Variants in PDGFD observed in about 807,000 individuals in gnomAD.
The protein encoded by PDGFD is platelet-derived growth factor D.
A neutral mutation model predicts 44.7 loss-of-function variants in PDGFD; 30 were observed. The ratio of observed to expected loss-of-function variants is 0.67; its 90% confidence interval spans 0.50 to 0.91. The LOEUF is 0.91. PDGFD is among the 40% of genes least tolerant of loss of function. The pLI is 0.00. For synonymous variants in PDGFD, 173 were observed against 168.4 expected (o/e 1.03, Z -0.21); for missense variants, 445 against 457.8 (o/e 0.97, Z 0.25).
chr11:104,070,920 T>G (rs540837744), intron 1 of PDGFD, among the ~76,000 whole-genome samples: 1 of 152,262 alleles, frequency 6.6e-6, no homozygotes, highest in Admixed American at 6.5e-5. Context: ...ACAAACAGAC[T>G]GCGGTGTAAA....
intron 4 of PDGFD, chr11:103,945,580 T>C (rs530913644): frequency 6.6e-6 from 1 of 152,294 alleles, no homozygotes; most frequent in East Asian, 1.9e-4. Context: ...TAAAAAATCT[T>C]TGAAATTAAA....
chr11:103,988,927 C>T (rs183095048), intron 3 of PDGFD, among the ~76,000 whole-genome samples: 76 of 152,186 alleles, frequency 5.0e-4, no homozygotes, highest in African/African-American at 1.7e-3. Flanking sequence ...GGAATATTTA[C>T]GACATGTCAG....
intron 1 of PDGFD, among the ~76,000 whole-genome samples, chr11:104,012,640 C>T (rs1158014706): frequency 6.6e-6 from 1 of 152,206 alleles, no homozygotes; most frequent in African/African-American, 2.4e-5. Context: ...CCTAACGTGA[C>T]TCCAGTGGAG....
chr11:104,004,813 G>A (rs1050268324), intron 1 of PDGFD, among the ~76,000 whole-genome samples: 1 of 147,386 alleles, frequency 6.8e-6, no homozygotes, highest in Non-Finnish European at 1.5e-5. Context: ...ATGATCTCTT[G>A]TGTGTGTATG....
chr11:104,037,056 C>T (rs1860253644), intron 1 of PDGFD: 1 of 1,614,122 alleles, frequency 6.2e-7, no homozygotes, highest in Admixed American at 1.7e-5. Context: ...TGCAGAAGGA[C>T]AATGTGGGAC....
intron 4 of PDGFD, among the ~76,000 whole-genome samples, chr11:103,944,918 T>C (rs1485983552): frequency 3.9e-5 from 6 of 152,100 alleles, no homozygotes; most frequent in Admixed American, 2.0e-4. Flanking sequence ...GAGGGTGAAA[T>C]AGACCGATGA....
intron 1 of PDGFD, among the ~76,000 whole-genome samples, chr11:104,084,314 T>C (rs1464737394): frequency 6.6e-6 from 1 of 152,196 alleles, no homozygotes; most frequent in African/African-American, 2.4e-5. Context: ...TCATCCTGCA[T>C]GGTCAGGAAA....
At chr11:103,936,823 GT>G (rs1194529159) in intron 5 of PDGFD, among the ~76,000 whole-genome samples, 4 of 138,990 alleles carry the variant, frequency 2.9e-5, no homozygotes, top group Non-Finnish European at 1.5e-5. Flanking sequence ...TTGTTTGTTT[GT>G]TTTTTGTTTT....
intron 3 of PDGFD, among the ~76,000 whole-genome samples, chr11:103,978,629 C>A (rs76630317): frequency 0.027 from 4,120 of 151,826 alleles, 199 homozygotes; most frequent in African/African-American, 0.095. Context: ...AAGTGCTTTC[C>A]CATATGTGAT....
rs147101550 is a variant in PDGFD, at chr11:104,114,298, T to A, written c.124+49506A>T. ...GGTGTGAAGTCTCTGTGTAGATTCATTTTTTTTTCTGCATGTGGATGCCTA... is the reference window on the plus strand; with the variant it reads ...GGTGTGAAGTCTCTGTGTAGATTCAATTTTTTTTCTGCATGTGGATGCCTA... On this transcript the variant is annotated intron_variant, in intron 1 of 6. Transcript: ENST00000393158. 5.9e-3 allele frequency among the ~76,000 whole-genome samples: 891 copies of A among 150,086 alleles called. 6 individuals are homozygous for A. The highest frequency in any genetic ancestry group is 0.021 in the African/African-American group (843 of 40,860).
intron 1 of PDGFD, among the ~76,000 whole-genome samples, chr11:104,011,074 T>C (rs1288875012): frequency 6.6e-6 from 1 of 152,148 alleles, no homozygotes; most frequent in Non-Finnish European, 1.5e-5. Flanking sequence ...AATATTTTTA[T>C]AAATATTGTC....
chr11:104,163,813 T>G lies in PDGFD; in HGVS notation c.115A>C (p.Arg39=). The G allele has an allele frequency of 1.3e-6, 2 of 1,545,112 alleles. No homozygotes were observed. The highest frequency in any genetic ancestry group is 1.8e-6 in the Non-Finnish European group (2 of 1,133,258). Reference sequence around the variant, plus strand: ...AAAATGAGTCTCTTACCATCTCGCCTGAGGTTGGCGTTGCGCAAAGCTTTG... The same window carrying G: ...AAAATGAGTCTCTTACCATCTCGCCGGAGGTTGGCGTTGCGCAAAGCTTTG... ...SIKALRNANL[R]RDESNHLTDL... The change falls in exon 1 of 7, where the codon AGG becomes CGG. Residue 39 remains arginine (R), a synonymous_variant. Coordinates refer to ENST00000393158, the MANE Select transcript of PDGFD (RefSeq NM_025208.5).
chr11:104,031,693 T>C (rs1860128455), intron 1 of PDGFD, among the ~76,000 whole-genome samples: 3 of 152,202 alleles, frequency 2.0e-5, no homozygotes, highest in Admixed American at 2.0e-4. Flanking sequence ...TATATGCACA[T>C]GTATGTTCAT....
intron 1 of PDGFD, among the ~76,000 whole-genome samples, chr11:104,016,447 C>A (rs1859859072): frequency 6.6e-6 from 1 of 152,226 alleles, no homozygotes; most frequent in Admixed American, 6.5e-5. Flanking sequence ...TCTCACTGGG[C>A]AGAATCTGGG....
chr11:104,141,064 C>T (rs530270519), intron 1 of PDGFD, among the ~76,000 whole-genome samples: 58 of 152,330 alleles, frequency 3.8e-4, no homozygotes, highest in African/African-American at 1.4e-3. Context: ...CTTCTCCAAA[C>T]ACAATTTACG....
At chr11:104,131,377 C>A (rs1861917407) in intron 1 of PDGFD, among the ~76,000 whole-genome samples, 1 of 152,206 alleles carries the variant, frequency 6.6e-6, no homozygotes, top group Non-Finnish European at 1.5e-5. Context: ...GTGAGAAAGA[C>A]ATCATTAATT....
intron 3 of PDGFD, among the ~76,000 whole-genome samples, chr11:103,967,515 G>A (rs574677035): frequency 3.6e-4 from 55 of 152,204 alleles, no homozygotes; most frequent in African/African-American, 1.3e-3. Flanking sequence ...ATCTCACTGA[G>A]CCCTCCAGAC....
intron 5 of PDGFD, 101 bp downstream of exon 5, chr11:103,943,351 A>G (rs1858616004): frequency 8.3e-7 from 1 of 1,202,872 alleles, no homozygotes; most frequent in South Asian, 1.6e-5. Flanking sequence ...TCCAAAATCC[A>G]AAAGACTTCT....
intron 5 of PDGFD, among the ~76,000 whole-genome samples, chr11:103,938,577 T>G (rs12290309): frequency 0.33 from 49,487 of 151,970 alleles, 8,409 homozygotes; most frequent in East Asian, 0.39. Context: ...CATTTGTCAA[T>G]TTTGGCTTTT....
Sources: allele counts gnomAD v4.1 joint callset (sites outside exome capture counted in the v4.1 genomes callset), GRCh38; gene constraint gnomAD v4.1.1; transcripts MANE v1.5; gene names NCBI Gene and HGNC (gene_info 2026-07-23, HGNC 2026-07-21).